Variants in GAD2 observed in about 807,000 individuals in gnomAD.
GAD2 encodes the protein glutamate decarboxylase 2, also known as 65 kDa glutamic acid decarboxylase.
GAD2 carries 22 observed loss-of-function variants against 80.1 expected under a neutral mutation model. That is an observed-to-expected ratio of 0.27 (90% confidence interval 0.20 to 0.39). The LOEUF (loss-of-function observed/expected upper bound fraction) is 0.39, where lower values mean the gene tolerates loss of function less well. Ranked by LOEUF, GAD2 falls within the 10% of genes least tolerant of loss-of-function variation. The pLI, the probability that GAD2 is intolerant of heterozygous loss-of-function variation, is 1.00. For missense variants in GAD2, 624 were observed against 738.4 expected, an observed-to-expected ratio of 0.85 and a Z score of 1.80; for synonymous variants, 274 against 256.9, an observed-to-expected ratio of 1.07 and a Z score of -0.64.
chr10:26,255,622 G>A (rs59357688), intron 8 of GAD2, among the ~76,000 whole-genome samples: 34 of 110,934 alleles, frequency 3.1e-4, no homozygotes, highest in Non-Finnish European at 5.1e-4. Flanking sequence ...GGAAGGAAGG[G>A]AGGGAGGAAG....
rs61735922 is a variant in GAD2 at position 26,224,539 on chromosome 10, G to A, written c.612G>A (p.Met204Ile). The A allele has an allele frequency of 2.7e-3, 4,374 of 1,594,532 alleles. 25 individuals carry two copies. The highest frequency in any genetic ancestry group is 2.5e-3 in the Non-Finnish European group (2,951 of 1,162,220). Reference sequence around the variant, plus strand: ...AAATGTGGCCATTACTACATTTCAGGTTCACCTATGAAATTGCTCCAGTAT... The same window carrying A: ...AAATGTGGCCATTACTACATTTCAGATTCACCTATGAAATTGCTCCAGTAT... ...DWLTSTANTN[M>I]FTYEIAPVFV... is the part of the protein sequence containing the mutation. The change falls in exon 6 of 16, where the codon ATG becomes ATA. Residue 204 changes from methionine (M) to isoleucine (I), a missense_variant and splice_region_variant. Met to Ile is a conservative substitution (Grantham distance 10). Transcript: ENST00000376261.
chr10:26,241,586 T>G (rs1844743584), intron 7 of GAD2, among the ~76,000 whole-genome samples: 1 of 152,040 alleles, frequency 6.6e-6, no homozygotes, highest in Non-Finnish European at 1.5e-5. Flanking sequence ...GTCTTTTATT[T>G]CAAAAACGGA....
At chr10:26,238,993 G>A (rs1359497613) in intron 7 of GAD2, among the ~76,000 whole-genome samples, 2 of 151,922 alleles carry the variant, frequency 1.3e-5, no homozygotes, top group East Asian at 3.9e-4. Context: ...GGGGTGGGGG[G>A]TGGTCAGGAA....
chr10:26,276,468 G>C (rs530538892), intron 11 of GAD2, among the ~76,000 whole-genome samples: 9 of 151,876 alleles, frequency 5.9e-5, no homozygotes, highest in Non-Finnish European at 1.3e-4. Flanking sequence ...TGCAACCTCT[G>C]CCTCCCGGGT....
chr10:26,284,653 C>T (rs997456633), intron 12 of GAD2, among the ~76,000 whole-genome samples: 1 of 144,426 alleles, frequency 6.9e-6, no homozygotes, highest in East Asian at 2.2e-4. Flanking sequence ...CTCACTGCAA[C>T]CTCCACCTCC....
chr10:26,251,776 A>T (rs1033084061), intron 8 of GAD2, among the ~76,000 whole-genome samples: 14 of 152,226 alleles, frequency 9.2e-5, no homozygotes, highest in African/African-American at 3.4e-4. Flanking sequence ...TGTTGGAAAA[A>T]AATTTTAACT....
chr10:26,254,202 A>C (rs1035540806), intron 8 of GAD2, among the ~76,000 whole-genome samples: 1 of 152,022 alleles, frequency 6.6e-6, no homozygotes, highest in Non-Finnish European at 1.5e-5. Context: ...ACGCCTGGCT[A>C]ATTTTTTTAT....
chr10:26,246,900 A>G (rs1450743897), intron 8 of GAD2, among the ~76,000 whole-genome samples: 1 of 152,182 alleles, frequency 6.6e-6, no homozygotes, highest in Non-Finnish European at 1.5e-5. Flanking sequence ...TTTTAAAATT[A>G]GGAGTGAGCT....
chr10:26,250,138 TTAG>T (rs1844860975), intron 8 of GAD2, among the ~76,000 whole-genome samples: 1 of 152,040 alleles, frequency 6.6e-6, no homozygotes, highest in African/African-American at 2.4e-5. Context: ...CTCAGCCTCC[TTAG>T]TAGATGGGAC....
intron 8 of GAD2, among the ~76,000 whole-genome samples, chr10:26,252,960 C>T (rs1396756282): frequency 6.6e-6 from 1 of 152,162 alleles, no homozygotes; most frequent in East Asian, 1.9e-4. Context: ...GCCTGGCCAA[C>T]CCCTTCTTAA....
chr10:26,253,708 A>G (rs1844909192), intron 8 of GAD2, among the ~76,000 whole-genome samples: 7 of 152,242 alleles, frequency 4.6e-5, no homozygotes, highest in Admixed American at 4.6e-4. Flanking sequence ...AGTCCAGTCT[A>G]GCGTGAGATG....
chr10:26,218,415 A>G (rs1454531429), intron 3 of GAD2: 3 of 165,752 alleles, frequency 1.8e-5, no homozygotes, highest in African/African-American at 7.2e-5. Flanking sequence ...TGTAGCTGCA[A>G]TTGCACAAGA....
At chr10:26,271,271 G>A (rs557106986) in intron 10 of GAD2, among the ~76,000 whole-genome samples, 4 of 152,162 alleles carry the variant, frequency 2.6e-5, no homozygotes, top group Admixed American at 6.5e-5. Context: ...TTCCAATTTC[G>A]TAGCTTGGTC....
chr10:26,263,579 G>T (rs1261700725), intron 8 of GAD2, among the ~76,000 whole-genome samples: 1 of 152,182 alleles, frequency 6.6e-6, no homozygotes, highest in African/African-American at 2.4e-5. Context: ...GTCAGTCTAT[G>T]CAGTTTCTGT....
At chr10:26,291,397 C>T (rs1834212496) in intron 13 of GAD2, among the ~76,000 whole-genome samples, 2 of 152,344 alleles carry the variant, frequency 1.3e-5, no homozygotes, top group South Asian at 4.1e-4. Flanking sequence ...CCATCAGCCT[C>T]CTTGAGCCGA....
At chr10:26,278,523 G>A (rs7076905) in intron 11 of GAD2, among the ~76,000 whole-genome samples, 4,900 of 152,236 alleles carry the variant, frequency 0.032, 279 homozygotes, top group African/African-American at 0.11. Context: ...AAACCTGAAC[G>A]CAAACCCATA....
At chr10:26,244,481 C>T (rs145608631) in intron 7 of GAD2, among the ~76,000 whole-genome samples, 1 of 152,256 alleles carries the variant, frequency 6.6e-6, no homozygotes, top group African/African-American at 2.4e-5. Flanking sequence ...TAGAAGCAAC[C>T]TGTTTGTATA....
intron 4 of GAD2, among the ~76,000 whole-genome samples, chr10:26,222,692 C>G (rs1055433035): frequency 2.0e-5 from 3 of 152,218 alleles, no homozygotes; most frequent in African/African-American, 7.2e-5. Context: ...AAAATGGGCT[C>G]CCTCCCAGCT....
At chr10:26,245,459 C>T (rs1439396787) in intron 7 of GAD2, among the ~76,000 whole-genome samples, 3 of 147,394 alleles carry the variant, frequency 2.0e-5, no homozygotes, top group Admixed American at 6.7e-5. Context: ...TTTTTTGAGA[C>T]GGAGTTTCAC....
Sources: allele counts gnomAD v4.1 joint callset (sites outside exome capture counted in the v4.1 genomes callset), GRCh38; gene constraint gnomAD v4.1.1; transcripts MANE v1.5; gene names NCBI Gene and HGNC (gene_info 2026-07-23, HGNC 2026-07-21).